Variants in PIGN observed in about 807,000 individuals in gnomAD.
The protein encoded by PIGN is GPI ethanolamine phosphate transferase 1.
PIGN carries 117 observed loss-of-function variants against 125.4 expected under a neutral mutation model. The observed-to-expected ratio is 0.93, with a 90% CI of 0.80 to 1.09. PIGN has a LOEUF of 1.09. Among genes scored for constraint, PIGN ranks in the 50% least tolerant of loss-of-function variants. PIGN has a pLI of 0.00. For synonymous variants in PIGN, 392 were observed against 377.8 expected, an observed-to-expected ratio of 1.04 and a Z score of -0.44; for missense variants, 1,075 against 1,094.9, an observed-to-expected ratio of 0.98 and a Z score of 0.26.
chr18:62,041,773 C>T lies in PIGN; in HGVS notation c.*4083G>A, dbSNP rs1422870671. ...CGAACTCCTGACCTCAAGTGATCCA[C>T]CCACCTCGGCCTCCCAAAGTGCTGG... On this transcript the variant is annotated 3_prime_UTR_variant, in exon 31 of 31. Transcript: ENST00000640252. The T allele has an allele frequency of 6.6e-6, 1 of 151,188 alleles. No individual in the cohort carries two copies. The highest frequency in any genetic ancestry group is 2.4e-5 in the African/African-American group (1 of 41,020). 9.4% of individuals were successfully genotyped at this position (151,188 alleles called of 1,614,324 possible).
chr18:62,185,536 T>C (rs1341116115), intron 1 of PIGN, among the ~76,000 whole-genome samples: 1 of 152,210 alleles, frequency 6.6e-6, no homozygotes, highest in Non-Finnish European at 1.5e-5. Flanking sequence ...GTTGGCATAC[T>C]TTTACATGTA....
chr18:62,035,111 C>T (rs1465126852), intron 23 of PIGN, among the ~76,000 whole-genome samples: 1 of 152,148 alleles, frequency 6.6e-6, no homozygotes, highest in Non-Finnish European at 1.5e-5. Flanking sequence ...CTCCCCTGCA[C>T]ATGCTTTTTT....
rs2298779 is a variant in PIGN at position 62,138,957 on chromosome 18, C to T, written c.1116+26G>A. ...AATTGTAGTATTGTCCATTTTTGTGCGTGCCTTTTTGAATTTTTTTTTTAC... is the reference window on the plus strand; with the variant it reads ...AATTGTAGTATTGTCCATTTTTGTGTGTGCCTTTTTGAATTTTTTTTTTAC... On this transcript the variant is annotated intron_variant, in intron 13 of 30. Coordinates refer to ENST00000640252, the MANE Select transcript of PIGN (RefSeq NM_176787.5). 0.37 allele frequency: 452,650 copies of T among 1,215,512 alleles called. 87,913 individuals carry two copies. The highest frequency in any genetic ancestry group is 0.61 in the East Asian group (25,251 of 41,562). The allele number at this position is 1,215,512 out of a possible 1,614,324, so 75.3% of individuals were successfully genotyped here.
At chr18:62,059,976 C>T (rs1467032641) in intron 30 of PIGN, among the ~76,000 whole-genome samples, 1 of 152,168 alleles carries the variant, frequency 6.6e-6, no homozygotes, top group African/African-American at 2.4e-5. Context: ...CAGTAGGTGA[C>T]CCATCCTCAA....
intron 14 of PIGN, 23 bp from the exon 15 acceptor site, chr18:62,114,662 G>C (rs1347474140): frequency 2.6e-6 from 3 of 1,145,740 alleles, no homozygotes; most frequent in Admixed American, 4.9e-5. Flanking sequence ...AAAAGAATAG[G>C]TTTAAAGGGT....
intron 23 of PIGN, among the ~76,000 whole-genome samples, chr18:62,022,479 T>G (rs2144864376): frequency 6.6e-6 from 1 of 152,306 alleles, no homozygotes; most frequent in African/African-American, 2.4e-5. Flanking sequence ...TGCTAGAGAA[T>G]TTTCTGCTAA....
intron 30 of PIGN, among the ~76,000 whole-genome samples, chr18:62,046,922 G>A (rs2030762892): frequency 6.6e-6 from 1 of 152,186 alleles, no homozygotes; most frequent in Non-Finnish European, 1.5e-5. Context: ...AAACTGGTCA[G>A]TGATCTTGGG....
chr18:62,077,926 T>C (rs1370413172), intron 28 of PIGN, among the ~76,000 whole-genome samples: 1 of 152,196 alleles, frequency 6.6e-6, no homozygotes, highest in Non-Finnish European at 1.5e-5. Flanking sequence ...TAAATGGCCA[T>C]ATTCTCCCTT....
At chr18:62,101,320 G>C in intron 21 of PIGN, 137 bp from the exon 22 acceptor site, 2 of 624,646 alleles carry the variant, frequency 3.2e-6, no homozygotes, top group South Asian at 3.9e-5. Context: ...GAAATACAGT[G>C]GACAGTACAG....
chr18:62,104,632 G>A (rs2034569273), intron 20 of PIGN, among the ~76,000 whole-genome samples: 1 of 151,896 alleles, frequency 6.6e-6, no homozygotes, highest in South Asian at 2.1e-4. Flanking sequence ...ATTGCATATT[G>A]GTATTCTCAT....
intron 14 of PIGN, among the ~76,000 whole-genome samples, chr18:62,123,236 T>C (rs941355290): frequency 5.9e-5 from 9 of 152,128 alleles, no homozygotes; most frequent in Non-Finnish European, 1.2e-4. Context: ...TAAGACCCTC[T>C]TTCTAAAAAT....
At chr18:62,035,314 G>GCAAAT (rs2030245095) in intron 23 of PIGN, among the ~76,000 whole-genome samples, 1 of 152,106 alleles carries the variant, frequency 6.6e-6, no homozygotes, top group Admixed American at 6.6e-5. Flanking sequence ...AAAAGCAATG[G>GCAAAT]CAAATTAATC....
chr18:62,157,309 A>G (rs142734927), intron 5 of PIGN, 82 bp from the exon 6 acceptor site: 2 of 672,274 alleles, frequency 3.0e-6, no homozygotes, highest in Non-Finnish European at 5.1e-6. Flanking sequence ...AATAATAACA[A>G]TTACATTAGT....
At chr18:62,176,833 G>T (rs2037539955) in intron 1 of PIGN, among the ~76,000 whole-genome samples, 1 of 152,078 alleles carries the variant, frequency 6.6e-6, no homozygotes, top group Non-Finnish European at 1.5e-5. Flanking sequence ...AAATACTAAT[G>T]TACTGGTTTT....
At chr18:62,109,495 T>C (rs17641823) in intron 17 of PIGN, among the ~76,000 whole-genome samples, 25,745 of 152,234 alleles carry the variant, frequency 0.17, 2,940 homozygotes, top group Middle Eastern at 0.28. Context: ...TCTGAGATGA[T>C]GACACAAGTT....
chr18:62,113,402 C>T, intron 15 of PIGN, 86 bp from the exon 16 acceptor site: 1 of 882,698 alleles, frequency 1.1e-6, no homozygotes, highest in East Asian at 2.6e-5. Flanking sequence ...AAATTCCTAA[C>T]AGCCAAACTG....
chr18:62,186,041 ATTTTTTTTT>A (rs755658401), intron 1 of PIGN, among the ~76,000 whole-genome samples: 6 of 102,226 alleles, frequency 5.9e-5, no homozygotes, highest in Admixed American at 1.1e-4. Context: ...AGCGGAATTG[ATTTTTTTTT>A]TTTTTTTTTT....
In PIGN at chr18:62,145,978, T is replaced by C; in HGVS notation, c.853A>G (p.Thr285Ala). Residue 285 changes from threonine (T) to alanine (A), a missense_variant, in exon 10 of 31, where the codon ACT (threonine) becomes GCT (alanine). Coordinates refer to ENST00000640252, the MANE Select transcript of PIGN (RefSeq NM_176787.5). Reference sequence around the variant, plus strand: ...GGATACTTGATTCCAGCTCCCCAAGTGACTAAAGGAGTTAAAGTCTCTGAA... The same window carrying C: ...GGATACTTGATTCCAGCTCCCCAAGCGACTAAAGGAGTTAAAGTCTCTGAA... Reference protein sequence around the residue: ...HPSETLTPLVTWGAGIKYPQR... With the variant: ...HPSETLTPLVAWGAGIKYPQR... The C allele has an allele frequency of 1.2e-6, 2 of 1,608,484 alleles. No individual in the cohort carries two copies. The highest frequency in any genetic ancestry group is 1.7e-6 in the Non-Finnish European group (2 of 1,176,572).
rs2034365208 is a variant in PIGN at position 62,099,833 on chromosome 18, C to A, written c.2077+1242G>T. 2.6e-5 allele frequency among the ~76,000 whole-genome samples: 4 copies of A among 152,198 alleles called. No individual in the cohort carries two copies. In the South Asian group the frequency reaches 8.3e-4, roughly 32 times the overall value. On this transcript the variant is annotated intron_variant, in intron 22 of 30. Transcript: ENST00000640252. ...AAATCAACTCAAAATGGATTAAAGG[C>A]TTAAATGTAAGACCTGAAACCATAA...
Sources: allele counts gnomAD v4.1 joint callset (sites outside exome capture counted in the v4.1 genomes callset), GRCh38; gene constraint gnomAD v4.1.1; transcripts MANE v1.5; gene names NCBI Gene and HGNC (gene_info 2026-07-23, HGNC 2026-07-21).